Variants in ARHGAP26 observed in about 807,000 individuals in gnomAD.
ARHGAP26 encodes the protein Rho GTPase activating protein 26.
In ARHGAP26, 38 loss-of-function variants were observed where a neutral mutation model predicts 104.8. That is an observed-to-expected ratio of 0.36 (90% confidence interval 0.28 to 0.48). ARHGAP26 has a LOEUF of 0.48. Ranked by LOEUF, ARHGAP26 falls within the 20% of genes least tolerant of loss-of-function variation. The pLI is 0.99. For missense variants in ARHGAP26, 704 were observed against 947.9 expected (o/e 0.74, Z 3.38); for synonymous variants, 341 against 340.0 (o/e 1.00, Z -0.03).
At chr5:143,041,769 G>T in intron 13 of ARHGAP26, 47 bp from the exon 14 acceptor site, 25 of 1,301,962 alleles carry the variant, frequency 1.9e-5, no homozygotes, top group Non-Finnish European at 2.4e-5. Context: ...GGCCTGACTT[G>T]TGTTCTGACG....
chr5:142,840,587 G>C (rs1015432876), intron 1 of ARHGAP26, among the ~76,000 whole-genome samples: 2 of 152,154 alleles, frequency 1.3e-5, no homozygotes, highest in African/African-American at 4.8e-5. Context: ...TGCTTCTAAG[G>C]TTCCTAGGTA....
chr5:143,113,887 T>G (rs1795080217), intron 17 of ARHGAP26, among the ~76,000 whole-genome samples: 1 of 152,148 alleles, frequency 6.6e-6, no homozygotes, highest in Admixed American at 6.5e-5. Flanking sequence ...TTAGCGTAGG[T>G]TGGACTTGCC....
At chr5:143,188,825 G>A (rs1805501686) in intron 20 of ARHGAP26, among the ~76,000 whole-genome samples, 1 of 152,160 alleles carries the variant, frequency 6.6e-6, no homozygotes, top group Admixed American at 6.5e-5. Context: ...GAAAGTGAGG[G>A]TAACCTAGAA....
intron 1 of ARHGAP26, among the ~76,000 whole-genome samples, chr5:142,849,716 G>A (rs1371165157): frequency 6.6e-6 from 1 of 152,036 alleles, no homozygotes; most frequent in East Asian, 1.9e-4. Context: ...CCCCTCTCCA[G>A]TTCTTTAGTT....
At chr5:143,051,242 T>C (rs1330788842) in intron 14 of ARHGAP26, among the ~76,000 whole-genome samples, 1 of 152,234 alleles carries the variant, frequency 6.6e-6, no homozygotes, top group African/African-American at 2.4e-5. Flanking sequence ...ATAGACTAGA[T>C]GGCCCTTGGG....
chr5:142,895,241 T>A (rs1435413391), intron 6 of ARHGAP26, among the ~76,000 whole-genome samples: 1 of 152,166 alleles, frequency 6.6e-6, no homozygotes, highest in Non-Finnish European at 1.5e-5. Flanking sequence ...TTTCTTTTTT[T>A]TTTCTTTGAG....
chr5:143,206,732 T>C (rs1808618697), intron 20 of ARHGAP26, among the ~76,000 whole-genome samples: 2 of 152,186 alleles, frequency 1.3e-5, no homozygotes, highest in South Asian at 4.1e-4. Flanking sequence ...CAGGAGATTA[T>C]TTTCTCACCG....
chr5:143,141,368 T>A (rs1252191178), intron 19 of ARHGAP26, among the ~76,000 whole-genome samples: 1 of 152,250 alleles, frequency 6.6e-6, no homozygotes, highest in Non-Finnish European at 1.5e-5. Context: ...TGTCTGTGTG[T>A]GTGTATATGT....
chr5:143,009,189 GA>G (rs1778402652), intron 11 of ARHGAP26, among the ~76,000 whole-genome samples: 1 of 151,912 alleles, frequency 6.6e-6, no homozygotes, highest in Non-Finnish European at 1.5e-5. Context: ...CTCCAGGCTA[GA>G]ATCAGAAGGC....
Position 142,922,471 on chromosome 5 carries a change from G to A in ARHGAP26, c.1028+9178G>A, listed in dbSNP as rs557293944. ...TCTGTAGAAAAAAATAATCATGAGA[G>A]TATTATTCCTTAAAGGAAGAAGAGT... is the stretch of plus-strand genomic sequence containing the variant. On this transcript the variant is annotated intron_variant, in intron 10 of 22. Coordinates refer to ENST00000645722, the MANE Select transcript of ARHGAP26 (RefSeq NM_001135608.3). Among the ~76,000 whole-genome samples, 12 of 152,002 alleles carry A rather than the reference G, an allele frequency of 7.9e-5. No homozygotes were observed. In the South Asian group the frequency reaches 1.0e-3, roughly 13 times the overall value.
intron 12 of ARHGAP26, among the ~76,000 whole-genome samples, chr5:143,020,708 C>T (rs574962286): frequency 5.6e-5 from 8 of 142,830 alleles, no homozygotes; most frequent in Admixed American, 3.0e-4. Context: ...GCATGATCTC[C>T]GCTCACTGCA....
intron 12 of ARHGAP26, among the ~76,000 whole-genome samples, chr5:143,019,749 A>T (rs1780069762): frequency 6.6e-6 from 1 of 152,202 alleles, no homozygotes; most frequent in South Asian, 2.1e-4. Context: ...AACAAATGTC[A>T]CTGCCTACTT....
At chr5:142,845,209 G>T (rs1392237090) in intron 1 of ARHGAP26, among the ~76,000 whole-genome samples, 3 of 152,086 alleles carry the variant, frequency 2.0e-5, no homozygotes, top group Non-Finnish European at 4.4e-5. Context: ...AAAGACTCTG[G>T]GATTTTAGGA....
At chr5:143,027,677 C>T (rs777956637) in intron 12 of ARHGAP26, among the ~76,000 whole-genome samples, 14 of 152,132 alleles carry the variant, frequency 9.2e-5, no homozygotes, top group Non-Finnish European at 1.8e-4. Context: ...TTGGAATCAT[C>T]CCATATGCCA....
chr5:142,831,481 C>G (rs1312436333), intron 1 of ARHGAP26, among the ~76,000 whole-genome samples: 5 of 152,120 alleles, frequency 3.3e-5, no homozygotes, highest in Non-Finnish European at 1.5e-5. Context: ...GGATGAAATT[C>G]AGATGTTCAC....
chr5:143,196,449 C>T (rs1187522259), intron 20 of ARHGAP26, among the ~76,000 whole-genome samples: 2 of 152,166 alleles, frequency 1.3e-5, no homozygotes, highest in African/African-American at 4.8e-5. Flanking sequence ...CTGTAAGCCC[C>T]TGGTCACAAC....
chr5:143,063,505 T>C (rs1394879574), intron 17 of ARHGAP26, among the ~76,000 whole-genome samples: 4 of 152,266 alleles, frequency 2.6e-5, no homozygotes, highest in Non-Finnish European at 5.9e-5. Flanking sequence ...TCCAAAGCCC[T>C]GTCTGGACCA....
At chr5:142,776,024 A>G (rs1248105539) in intron 1 of ARHGAP26, among the ~76,000 whole-genome samples, 1 of 152,188 alleles carries the variant, frequency 6.6e-6, no homozygotes, top group Non-Finnish European at 1.5e-5. Context: ...ATTCCTTTCA[A>G]AGCAGTTACT....
At chr5:143,034,066 C>G (rs1040960477) in intron 12 of ARHGAP26, among the ~76,000 whole-genome samples, 7 of 152,158 alleles carry the variant, frequency 4.6e-5, no homozygotes, top group Non-Finnish European at 1.5e-5. Flanking sequence ...TCTTGACACC[C>G]ACTAGGATGG....
Sources: allele counts gnomAD v4.1 joint callset (sites outside exome capture counted in the v4.1 genomes callset), GRCh38; gene constraint gnomAD v4.1.1; transcripts MANE v1.5; gene names NCBI Gene and HGNC (gene_info 2026-07-23, HGNC 2026-07-21).